SPHKAP: variants seen among roughly 807,000 people sequenced by gnomAD.
The protein encoded by SPHKAP is SPHK1 interactor, AKAP domain containing.
In SPHKAP, 67 loss-of-function variants were observed where a neutral mutation model predicts 137.5. The ratio of observed to expected loss-of-function variants is 0.49; its 90% CI spans 0.40 to 0.60. The LOEUF is 0.60. Among genes scored for constraint, SPHKAP ranks in the 20% least tolerant of loss-of-function variants. The pLI, the probability that SPHKAP is intolerant of heterozygous loss-of-function variation, is 0.00. For missense variants in SPHKAP, 2,097 were observed against 2,069.3 expected (o/e 1.01, Z -0.26); for synonymous variants, 813 against 785.3 (o/e 1.04, Z -0.59).
At chr2:228,057,448 C>T (rs1383939180) in intron 3 of SPHKAP, among the ~76,000 whole-genome samples, 2 of 152,052 alleles carry the variant, frequency 1.3e-5, no homozygotes, top group Non-Finnish European at 2.9e-5. Flanking sequence ...TATCTGAATG[C>T]CTATGAGAGC....
chr2:228,077,481 G>GA (rs1328908786), intron 3 of SPHKAP, among the ~76,000 whole-genome samples: 1 of 152,214 alleles, frequency 6.6e-6, no homozygotes, highest in Non-Finnish European at 1.5e-5. Context: ...GTGAGACATG[G>GA]AGTCAAAGGA....
At position 227,986,392 on chromosome 2, in the gene SPHKAP, G is replaced by A. The variant is rs573946040; in HGVS notation, c.4960-4532C>T. ...CATGAGAATGCAAAGGCATATGAATGATATTATGGACTTTGGAGACTTGGG... is the reference window on the plus strand; with the variant it reads ...CATGAGAATGCAAAGGCATATGAATAATATTATGGACTTTGGAGACTTGGG... On this transcript the variant is annotated intron_variant, in intron 11 of 11. Transcript: ENST00000392056. Among the ~76,000 whole-genome samples the A allele has an allele frequency of 5.9e-5, 9 of 152,140 alleles. No individual in the cohort carries two copies. The East Asian group carries it at 1.7e-3, about 29-fold the overall frequency.
chr2:228,060,606 T>C (rs539853054), intron 3 of SPHKAP, among the ~76,000 whole-genome samples: 9 of 152,360 alleles, frequency 5.9e-5, no homozygotes, highest in African/African-American at 1.9e-4. Flanking sequence ...TTTTTCTTTG[T>C]AACTATGACT....
At chr2:228,029,097 G>A (rs535216597) in intron 3 of SPHKAP, among the ~76,000 whole-genome samples, 5 of 152,320 alleles carry the variant, frequency 3.3e-5, no homozygotes, top group Admixed American at 2.6e-4. Flanking sequence ...CTAGAGGAAG[G>A]GAAGTGTTGG....
intron 3 of SPHKAP, among the ~76,000 whole-genome samples, chr2:228,080,079 T>TA (rs397754529): frequency 4.0e-5 from 6 of 151,588 alleles, no homozygotes; most frequent in African/African-American, 1.5e-4. Flanking sequence ...TTTTTTTTTT[T>TA]ATATGAACCC....
At chr2:227,991,727 A>G in intron 9 of SPHKAP, 1 of 960,538 alleles carries the variant, frequency 1.0e-6, no homozygotes, top group Non-Finnish European at 1.2e-6. Flanking sequence ...TTAATGAATC[A>G]TATGTTCCCA....
intron 3 of SPHKAP, chr2:228,028,096 T>TA (rs1424671841): frequency 1.3e-5 from 13 of 980,636 alleles, no homozygotes; most frequent in Non-Finnish European, 1.5e-5. Context: ...CCCAACATAC[T>TA]AAAAAAGTCT....
chr2:228,123,377 G>C (rs761533232), intron 2 of SPHKAP, among the ~76,000 whole-genome samples: 7 of 152,204 alleles, frequency 4.6e-5, no homozygotes, highest in Non-Finnish European at 7.3e-5. Flanking sequence ...TGCTAGGTCA[G>C]AAGAGAGTGT....
Position 228,018,067 on chromosome 2 carries a change from A to T in SPHKAP, c.2787T>A (p.Phe929Leu), listed in dbSNP as rs753465860. Reference sequence around the variant, plus strand: ...CGACCGTGTCTGCTAATTCTTCCGCAAAGTCTGTAATGCAGTAGATGTCTG... The same window carrying T: ...CGACCGTGTCTGCTAATTCTTCCGCTAAGTCTGTAATGCAGTAGATGTCTG... Reference protein sequence around the residue: ...KHPDIYCITDFAEELADTVVS... With the variant: ...KHPDIYCITDLAEELADTVVS... The change falls in exon 7 of 12, where the codon TTT (phenylalanine) becomes TTA (leucine). Residue 929 changes from phenylalanine (F) to leucine (L), a missense_variant. By Grantham distance (22) the Phe-to-Leu change is conservative. Transcript: ENST00000392056. The T allele has an allele frequency of 2.5e-6, 4 of 1,614,188 alleles. No individual in the cohort carries two copies. The highest frequency in any genetic ancestry group is 1.3e-5 in the African/African-American group (1 of 75,062).
Position 228,016,269 on chromosome 2 carries a change from A to C in SPHKAP, c.4448+137T>G, listed in dbSNP as rs1176694735. ...GTTGGTGTGCTGCACTCATTAACTCATTTTTTTTTTTTTTGGTCTTGAAAA... is the reference window on the plus strand; with the variant it reads ...GTTGGTGTGCTGCACTCATTAACTCCTTTTTTTTTTTTTTGGTCTTGAAAA... On this transcript the variant is annotated intron_variant, in intron 7 of 11. Coordinates refer to ENST00000392056, the MANE Select transcript of SPHKAP (RefSeq NM_001142644.2). 5 of 1,179,176 alleles carry C rather than the reference A, an allele frequency of 4.2e-6. No homozygotes were observed. The East Asian group carries it at 7.9e-5, about 19-fold the overall frequency. The allele number at this position is 1,179,176 out of a possible 1,614,324, so 73.0% of individuals were successfully genotyped here. A position where few individuals can be genotyped will look rare whatever the true frequency, so the allele number is the denominator to read the frequency against.
At chr2:228,156,658 T>G (rs1483135790) in intron 1 of SPHKAP, among the ~76,000 whole-genome samples, 1 of 152,236 alleles carries the variant, frequency 6.6e-6, no homozygotes, top group African/African-American at 2.4e-5. Context: ...AATCTCATCC[T>G]GAATTGTAGC....
intron 2 of SPHKAP, among the ~76,000 whole-genome samples, chr2:228,125,955 C>T (rs1699064259): frequency 6.6e-6 from 1 of 152,108 alleles, no homozygotes; most frequent in Non-Finnish European, 1.5e-5. Flanking sequence ...TGGCGTCCAC[C>T]TGTAATCCCA....
chr2:227,991,603 C>A, intron 9 of SPHKAP: 3 of 985,364 alleles, frequency 3.0e-6, no homozygotes, highest in Non-Finnish European at 3.6e-6. Flanking sequence ...AGAGATGCAA[C>A]CTTCTCTTCA....
At chr2:228,040,681 A>G (rs1695802835) in intron 3 of SPHKAP, among the ~76,000 whole-genome samples, 2 of 152,206 alleles carry the variant, frequency 1.3e-5, no homozygotes, top group South Asian at 2.1e-4. Context: ...AATATCTAAA[A>G]TACTAGAGAT....
chr2:228,067,669 A>G (rs1208671284), intron 3 of SPHKAP, among the ~76,000 whole-genome samples: 3 of 152,222 alleles, frequency 2.0e-5, no homozygotes, highest in African/African-American at 7.2e-5. Context: ...AGGTACAGGT[A>G]AGATTTTTTT....
At chr2:228,002,701 G>A (rs1265213170) in intron 7 of SPHKAP, among the ~76,000 whole-genome samples, 1 of 152,282 alleles carries the variant, frequency 6.6e-6, no homozygotes, top group African/African-American at 2.4e-5. Flanking sequence ...ATGGTTTTAG[G>A]TCTAACATGT....
chr2:228,108,153 C>G (rs932064502), intron 3 of SPHKAP, among the ~76,000 whole-genome samples: 4 of 152,126 alleles, frequency 2.6e-5, no homozygotes, highest in Non-Finnish European at 5.9e-5. Flanking sequence ...GAAACACTCT[C>G]CCCCAATCTC....
intron 3 of SPHKAP, among the ~76,000 whole-genome samples, chr2:228,063,866 T>G (rs1481551063): frequency 6.6e-6 from 1 of 152,214 alleles, no homozygotes; most frequent in Non-Finnish European, 1.5e-5. Flanking sequence ...ATCCTGAAAT[T>G]ATGTATTTTG....
chr2:228,103,920 T>C (rs1416846403), intron 3 of SPHKAP, among the ~76,000 whole-genome samples: 1 of 152,102 alleles, frequency 6.6e-6, no homozygotes, highest in Non-Finnish European at 1.5e-5. Context: ...CAATCCATTC[T>C]CTGGTGTTTC....
Sources: gnomAD v4.1 joint callset for allele counts (sites outside exome capture counted in the v4.1 genomes callset) on GRCh38, gnomAD v4.1.1 for gene constraint, MANE v1.5 for transcripts, NCBI Gene and HGNC (gene_info 2026-07-23, HGNC 2026-07-21) for gene names.